TEX14: variants seen among roughly 807,000 people sequenced by gnomAD.
The protein encoded by TEX14 is testis expressed 14, intercellular bridge forming factor.
A neutral mutation model predicts 178.6 loss-of-function variants in TEX14; 168 were observed. The observed-to-expected ratio is 0.94, with a 90% confidence interval of 0.83 to 1.07. TEX14 has a LOEUF of 1.07. TEX14 is among the 50% of genes least tolerant of loss of function. The probability of loss-of-function intolerance (pLI) is 0.00; values close to 1 mark genes in which losing one functional copy is unlikely to be tolerated. For synonymous variants in TEX14, 626 were observed against 634.1 expected (o/e 0.99, Z 0.19); for missense variants, 1,730 against 1,753.6 (o/e 0.99, Z 0.24).
rs999466691 is a variant in TEX14 at position 58,558,789 on chromosome 17, A to T, written c.4267+664T>A. Among the ~76,000 whole-genome samples the T allele has an allele frequency of 7.9e-5, 12 of 152,320 alleles. No homozygotes were observed. In the East Asian group the frequency reaches 2.1e-3, roughly 27 times the overall value. On this transcript the variant is annotated intron_variant, in intron 30 of 31. Coordinates refer to ENST00000349033, the MANE Select transcript of TEX14 (RefSeq NM_031272.5). ...TCACATTACTTGTAGACTCCACTTA[A>T]ATTCCATAAAATATGATTTATTACT...
intron 15 of TEX14, among the ~76,000 whole-genome samples, chr17:58,591,029 T>G (rs538130540): frequency 2.6e-4 from 39 of 152,194 alleles, no homozygotes; most frequent in African/African-American, 8.9e-4. Flanking sequence ...ATGTCAAACT[T>G]TTTTTTGGTC....
At chr17:58,633,404 C>T (rs919379012) in intron 2 of TEX14, among the ~76,000 whole-genome samples, 1 of 152,174 alleles carries the variant, frequency 6.6e-6, no homozygotes, top group Admixed American at 6.6e-5. Context: ...GTAAAGATGT[C>T]CAGTGAACAG....
intron 1 of TEX14, among the ~76,000 whole-genome samples, chr17:58,683,235 T>C (rs2047530844): frequency 6.6e-6 from 1 of 151,100 alleles, no homozygotes; most frequent in African/African-American, 2.4e-5. Context: ...TAGCTGGGCA[T>C]GGTGGCACGT....
intron 5 of TEX14, 122 bp downstream of exon 5, chr17:58,621,528 T>A: frequency 3.0e-6 from 3 of 1,016,238 alleles, no homozygotes; most frequent in Non-Finnish European, 4.3e-6. Flanking sequence ...GCACACCCCT[T>A]TGGATGGGCC....
intron 1 of TEX14, among the ~76,000 whole-genome samples, chr17:58,665,464 C>T (rs1366331415): frequency 6.6e-6 from 1 of 151,950 alleles, no homozygotes; most frequent in African/African-American, 2.4e-5. Flanking sequence ...TTATTGTGGT[C>T]ATGCGTGGCT....
At chr17:58,656,375 G>A (rs1207952571) in intron 1 of TEX14, among the ~76,000 whole-genome samples, 1 of 151,756 alleles carries the variant, frequency 6.6e-6, no homozygotes, top group Non-Finnish European at 1.5e-5. Flanking sequence ...AACCTGGGAG[G>A]TGGAGGTTGC....
intron 2 of TEX14, among the ~76,000 whole-genome samples, chr17:58,632,405 T>C (rs2046343057): frequency 6.6e-6 from 1 of 152,176 alleles, no homozygotes; most frequent in African/African-American, 2.4e-5. Context: ...TTGCCCAGGG[T>C]GGCCTTGAAC....
In TEX14 at chr17:58,605,560, C is replaced by G; in HGVS notation, c.1185-431G>C. 1.3e-5 allele frequency among the ~76,000 whole-genome samples: 2 copies of G among 152,234 alleles called. 1 individual carries two copies. Among genetic ancestry groups the G allele is most frequent in the East Asian group, 3.9e-4 (2 of 5,190 alleles). On this transcript the variant is annotated intron_variant, in intron 10 of 31. Transcript: ENST00000349033. ...ACCTGCAATTCCTTACTATTCCACCCGGGCCCTCTCCACCACTTCATCTGG... is the reference window on the plus strand; with the variant it reads ...ACCTGCAATTCCTTACTATTCCACCGGGGCCCTCTCCACCACTTCATCTGG...
intron 8 of TEX14, among the ~76,000 whole-genome samples, chr17:58,614,916 G>C (rs2045836109): frequency 6.6e-6 from 1 of 152,202 alleles, no homozygotes; most frequent in African/African-American, 2.4e-5. Context: ...CCCAAAGTGG[G>C]TGGACTCAGG....
At chr17:58,616,592 G>A (rs2045878907) in intron 6 of TEX14, among the ~76,000 whole-genome samples, 1 of 151,618 alleles carries the variant, frequency 6.6e-6, no homozygotes. Flanking sequence ...CACCACACCT[G>A]GCTAATTTTT....
At chr17:58,622,106 TAC>T (rs1404047626) in intron 4 of TEX14, among the ~76,000 whole-genome samples, 9 of 152,220 alleles carry the variant, frequency 5.9e-5, no homozygotes, top group African/African-American at 2.2e-4. Context: ...CCTGGCACTG[TAC>T]CTGCCCTTTG....
Position 58,651,312 on chromosome 17 carries a change from G to GA in TEX14, c.136+553dup, listed in dbSNP as rs200926120. On this transcript the variant is annotated intron_variant, in intron 2 of 31. Coordinates refer to ENST00000349033, the MANE Select transcript of TEX14 (RefSeq NM_031272.5). ...GAAAAAAAACAGGAGCCAAACACCA[G>GA]AAAAGGTTGTTTGTATATGGGTTTT... 6.2e-4 allele frequency among the ~76,000 whole-genome samples: 94 copies of GA among 152,278 alleles called. No homozygotes were observed. In the East Asian group the frequency reaches 0.014, roughly 23 times the overall value.
rs181875373 is a variant in TEX14 at position 58,605,236 on chromosome 17, G to A, written c.1185-107C>T. 470 of 1,355,360 alleles carry A rather than the reference G, an allele frequency of 3.5e-4. No homozygotes were observed. The Middle Eastern group carries it at 4.5e-3, about 13-fold the overall frequency. The allele number at this position is 1,355,360 out of a possible 1,614,324, so 84.0% of individuals were successfully genotyped here. On this transcript the variant is annotated intron_variant, in intron 10 of 31. Transcript: ENST00000349033. ...ATTCAGAGTCTTGCCCTGTCACCCA[G>A]GCTGGAAAGCAGCAGCGTGATCTCA... is the stretch of plus-strand genomic sequence containing the variant.
At chr17:58,654,992 A>G (rs2046921059) in intron 1 of TEX14, among the ~76,000 whole-genome samples, 1 of 149,446 alleles carries the variant, frequency 6.7e-6, no homozygotes, top group South Asian at 2.1e-4. Context: ...AGTTACTCCA[A>G]CCTTCTCCCT....
At chr17:58,656,837 C>A (rs1401972911) in intron 1 of TEX14, among the ~76,000 whole-genome samples, 1 of 140,256 alleles carries the variant, frequency 7.1e-6, no homozygotes, top group East Asian at 2.2e-4. Context: ...GCACAAGAAT[C>A]ACTTGAACCT....
intron 26 of TEX14, among the ~76,000 whole-genome samples, chr17:58,567,517 T>C: frequency 6.6e-6 from 1 of 152,222 alleles, no homozygotes; most frequent in Non-Finnish European, 1.5e-5. Flanking sequence ...TGTATCCTAG[T>C]TCTAAAGAAC....
intron 1 of TEX14, among the ~76,000 whole-genome samples, chr17:58,659,894 A>G (rs2047070298): frequency 6.6e-6 from 1 of 151,468 alleles, no homozygotes; most frequent in Admixed American, 6.6e-5. Context: ...ATGGGGTTTC[A>G]CCATGGTGGT....
At position 58,584,575 on chromosome 17, in the gene TEX14, T is replaced by A. The variant is rs1248524718; in HGVS notation, c.3096A>T (p.Gln1032His). ...CTTCACTATGCTCTGGTTGCTCCTT[T>A]TGTCTGGGAGATGGGTGCCTGATAC... ...FTSIRHPSPR[Q>H]KEQPEHSEAF... Residue 1032 changes from glutamine to histidine, a missense_variant, in exon 19 of 32, where the codon CAA becomes CAT. By Grantham distance (24) the Gln-to-His change is conservative (BLOSUM62 0). Transcript: ENST00000349033. 1 of 1,613,976 alleles carries A rather than the reference T, an allele frequency of 6.2e-7. No individual in the cohort carries two copies. Among genetic ancestry groups the A allele is most frequent in the Admixed American group, 1.7e-5 (1 of 59,996 alleles).
At chr17:58,562,501 A>T (rs190145752) in intron 28 of TEX14, among the ~76,000 whole-genome samples, 3 of 151,680 alleles carry the variant, frequency 2.0e-5, no homozygotes, top group African/African-American at 7.3e-5. Flanking sequence ...ACGTAAAAAG[A>T]GCTTAATTTT....
Sources: allele counts gnomAD v4.1 joint callset (sites outside exome capture counted in the v4.1 genomes callset), GRCh38; gene constraint gnomAD v4.1.1; transcripts MANE v1.5; gene names NCBI Gene and HGNC (gene_info 2026-07-23, HGNC 2026-07-21).